The following BEST3 variants were observed in gnomAD, a reference collection of about 807,000 sequenced individuals.
BEST3 encodes bestrophin 3.
BEST3 carries 50 observed loss-of-function variants against 47.1 expected under a neutral mutation model. The observed-to-expected ratio is 1.06, with a 90% CI of 0.85 to 1.34. The LOEUF (loss-of-function observed/expected upper bound fraction) is 1.34, where lower values mean the gene tolerates loss of function less well. BEST3 is among the 40% of genes most tolerant of loss of function. BEST3 has a pLI of 0.00. For missense variants in BEST3, 765 were observed against 817.0 expected, an observed-to-expected ratio of 0.94 and a Z score of 0.78; for synonymous variants, 282 against 298.8, an observed-to-expected ratio of 0.94 and a Z score of 0.58.
intron 9 of BEST3, among the ~76,000 whole-genome samples, chr12:69,670,761 G>GT (rs149285440): frequency 0.1 from 15,480 of 150,910 alleles, 913 homozygotes; most frequent in East Asian, 0.23. Flanking sequence ...TTTTGCTACA[G>GT]TTTTTTTGTT....
intron 4 of BEST3, chr12:69,684,450 C>A: frequency 2.1e-6 from 1 of 483,884 alleles, no homozygotes; most frequent in Non-Finnish European, 3.9e-6. Flanking sequence ...CATAGAGATT[C>A]TGCCTGCTGT....
exon 10 of BEST3, chr12:69,643,600 A>T (rs1483031218): frequency 3.5e-6 from 2 of 568,658 alleles, no homozygotes; most frequent in African/African-American, 3.8e-5. Flanking sequence ...GATGCTAAAA[A>T]GTGGAGAATG....
Position 69,655,715 on chromosome 12 carries a change from C to A in BEST3, c.1199G>T (p.Ser400Ile), listed in dbSNP as rs752710330. The A allele has an allele frequency of 7.4e-6, 12 of 1,613,986 alleles. No homozygotes were observed. The highest frequency in any genetic ancestry group is 6.8e-6 in the Non-Finnish European group (8 of 1,179,988). Residue 400 changes from serine to isoleucine, a missense_variant, in exon 10 of 10, where the codon AGT (serine) becomes ATT (isoleucine). Physicochemically the swap from Ser to Ile is moderately radical, Grantham distance 142. Transcript: ENST00000330891. ...SMIRRVKRFL[S>I]AHEHPSSPRR... ...GGGGCTGGAGGGGTGTTCGTGGGCA[C>A]TCAGGAACCGCTTGACTCTTCTTAT...
At chr12:69,653,582 G>T, downstream of BEST3, 1 of 938,200 alleles carries the variant, frequency 1.1e-6, no homozygotes, top group Non-Finnish European at 1.3e-6. Flanking sequence ...GCTGCTGCCT[G>T]GAACAGTGTA....
intron 7 of BEST3, among the ~76,000 whole-genome samples, chr12:69,675,988 T>C: frequency 6.6e-6 from 1 of 152,322 alleles, no homozygotes; most frequent in East Asian, 1.9e-4. Context: ...AATGAAGCCA[T>C]TGTCATTGAT....
chr12:69,681,444 C>A (rs1885248736), intron 4 of BEST3, among the ~76,000 whole-genome samples: 1 of 152,028 alleles, frequency 6.6e-6, no homozygotes. Flanking sequence ...AGCAAGACTT[C>A]ATCTCTAATA....
At chr12:69,651,313 G>A (rs946492431), downstream of BEST3, among the ~76,000 whole-genome samples, 5 of 152,176 alleles carry the variant, frequency 3.3e-5, no homozygotes, top group African/African-American at 4.8e-5. Flanking sequence ...CCAGAAAAGA[G>A]CCCATTTTAT....
chr12:69,694,418 T>A lies in BEST3; in HGVS notation c.199A>T (p.Ile67Phe), dbSNP rs377612646. The A allele has an allele frequency of 2.5e-6, 4 of 1,609,770 alleles. No individual in the cohort carries two copies. The highest frequency in any genetic ancestry group is 3.4e-6 in the Non-Finnish European group (4 of 1,178,186). The change falls in exon 3 of 10, where the codon ATT (isoleucine) becomes TTT (phenylalanine). Residue 67 changes from isoleucine to phenylalanine, a missense_variant. Physicochemically the swap from Ile to Phe is conservative, Grantham distance 21. Coordinates refer to ENST00000330891, the MANE Select transcript of BEST3 (RefSeq NM_032735.3). ...VQKRYFEKLS[I>F]YCDRYAEQIP... Reference sequence around the variant, plus strand: ...TGTTCAGCATATCTGTCACAGTAAATTGATAATTTTTCAAAGTAACGTTTT... The same window carrying A: ...TGTTCAGCATATCTGTCACAGTAAAATGATAATTTTTCAAAGTAACGTTTT...
intron 9 of BEST3, chr12:69,670,320 A>T: frequency 1.6e-6 from 1 of 634,054 alleles, no homozygotes; most frequent in East Asian, 2.7e-5. Flanking sequence ...AAGGCTAGCT[A>T]GAAGCAGAAG....
intron 4 of BEST3, 122 bp from the exon 5 acceptor site, chr12:69,679,015 C>T (rs2135988792): frequency 1.2e-6 from 1 of 840,142 alleles, no homozygotes; most frequent in Non-Finnish European, 1.8e-6. Flanking sequence ...TGGAATAAAG[C>T]TTCCTGTCTC....
intron 4 of BEST3, among the ~76,000 whole-genome samples, chr12:69,691,741 A>G (rs1015516035): frequency 1.6e-4 from 25 of 152,196 alleles, no homozygotes; most frequent in African/African-American, 5.6e-4. Context: ...GCAGTGAGCC[A>G]AGATAGCGCC....
rs142842812 is a variant in BEST3, at chr12:69,679,078, T to G, written c.482-185A>C. Among the ~76,000 whole-genome samples the G allele has an allele frequency of 3.6e-3, 553 of 152,260 alleles. 2 individuals carry two copies. Among genetic ancestry groups the G allele is most frequent in the African/African-American group, 0.013 (521 of 41,548 alleles). On this transcript the variant is annotated intron_variant, in intron 4 of 9. Transcript: ENST00000330891. ...AGGAATGTGTGTGTGTGAGCGCACATGCACACACACATACATATACATGCA... is the reference window on the plus strand; with the variant it reads ...AGGAATGTGTGTGTGTGAGCGCACAGGCACACACACATACATATACATGCA...
chr12:69,697,554 C>T (rs962800271), intron 2 of BEST3, 93 bp downstream of exon 2: 44 of 1,052,396 alleles, frequency 4.2e-5, no homozygotes, highest in South Asian at 2.9e-4. Flanking sequence ...TTCCATAATG[C>T]GAAGTCAGTG....
chr12:69,644,956 A>G (rs1404957178), intron 9 of BEST3, among the ~76,000 whole-genome samples: 1 of 152,222 alleles, frequency 6.6e-6, no homozygotes, highest in Non-Finnish European at 1.5e-5. Context: ...AAGAATGTAG[A>G]TTCAAATCCA....
At position 69,671,573 on chromosome 12, in the gene BEST3, G is replaced by A. The variant is rs1355207596; in HGVS notation, c.955C>T (p.Leu319Phe). ...WCIDRNLQVS[L>F]LAVDEMHMSL... ...ATGTGCATTTCGTCCACAGCTAAAA[G>A]AGAGACCTAAAATCATTGTTATATT... Residue 319 changes from leucine (L) to phenylalanine (F), a missense_variant, in exon 9 of 10, where the codon CTT (leucine) becomes TTT (phenylalanine). By Grantham distance (22) the Leu-to-Phe change is conservative. Coordinates refer to ENST00000330891, the MANE Select transcript of BEST3 (RefSeq NM_032735.3). The A allele has an allele frequency of 1.2e-6, 2 of 1,613,066 alleles. No homozygotes were observed. The highest frequency in any genetic ancestry group is 1.3e-5 in the African/African-American group (1 of 74,864).
rs975356550 is a variant in BEST3 at position 69,670,342 on chromosome 12, T to C, written c.1100+1086A>G. 4.6e-6 allele frequency: 3 copies of C among 654,266 alleles called. No homozygotes were observed. The African/African-American group carries it at 5.4e-5, about 12-fold the overall frequency. 40.5% of individuals were successfully genotyped at this position (654,266 alleles called of 1,614,324 possible). On this transcript the variant is annotated intron_variant, in intron 9 of 9. Coordinates refer to ENST00000330891, the MANE Select transcript of BEST3 (RefSeq NM_032735.3). ...GCTAGAAGCAGAAGCAAATCTAGCC[T>C]GGAGTAGGCAACCTTCTCTAAGATG... is the stretch of plus-strand genomic sequence containing the variant.
chr12:69,697,725 C>T lies in BEST3; in HGVS notation c.74G>A (p.Arg25Lys), dbSNP rs368269235. The stretch of plus-strand genomic sequence containing the variant: ...GTACAGTAGTTTGTAGATGCTGCCT[C>T]TCCACTTGAGGAGTAACCTATGAAA... ...FGFHRLLLKW[R>K]GSIYKLLYRE... is the part of the protein sequence containing the mutation. Residue 25 changes from arginine to lysine, a missense_variant, in exon 2 of 10, where the codon AGA (arginine) becomes AAA (lysine). Transcript: ENST00000330891. The T allele has an allele frequency of 1.2e-6, 2 of 1,613,418 alleles. No homozygotes were observed. Among genetic ancestry groups the T allele is most frequent in the Non-Finnish European group, 1.7e-6 (2 of 1,179,496 alleles).
chr12:69,652,654 C>T (rs1378858425), downstream of BEST3, among the ~76,000 whole-genome samples: 3 of 152,086 alleles, frequency 2.0e-5, no homozygotes, highest in Non-Finnish European at 4.4e-5. Flanking sequence ...ATGAACACTG[C>T]CAGCCCTTCA....
intron 4 of BEST3, chr12:69,683,996 A>G (rs934183012): frequency 1.2e-4 from 18 of 152,200 alleles, no homozygotes; most frequent in African/African-American, 4.3e-4. Flanking sequence ...TTTTCAGAAT[A>G]TGATCATTAT....
Sources: gnomAD v4.1 joint callset for allele counts (sites outside exome capture counted in the v4.1 genomes callset) on GRCh38, gnomAD v4.1.1 for gene constraint, MANE v1.5 for transcripts, NCBI Gene and HGNC (gene_info 2026-07-23, HGNC 2026-07-21) for gene names.